SESTD1: variants seen among roughly 807,000 people sequenced by gnomAD.
SESTD1 encodes SEC14 domain and spectrin repeat-containing protein 1.
A neutral mutation model predicts 101.7 loss-of-function variants in SESTD1; 43 were observed. The ratio of observed to expected loss-of-function variants is 0.42; its 90% CI spans 0.33 to 0.55. SESTD1 has a LOEUF of 0.55. Ranked by LOEUF, SESTD1 falls within the 20% of genes least tolerant of loss-of-function variation. The pLI is 0.07. For missense variants in SESTD1, 647 were observed against 815.1 expected, an observed-to-expected ratio of 0.79 and a Z score of 2.51; for synonymous variants, 283 against 286.8, an observed-to-expected ratio of 0.99 and a Z score of 0.13.
At chr2:179,150,838 T>A (rs913336465) in intron 6 of SESTD1, among the ~76,000 whole-genome samples, 5 of 151,790 alleles carry the variant, frequency 3.3e-5, no homozygotes, top group African/African-American at 9.7e-5. Context: ...AAAAAAAAAA[T>A]TATGCTACTG....
rs1245282674 is a variant in SESTD1 at position 179,124,544 on chromosome 2, C to T, written c.987G>A (p.Val329=). ...IESQHSEWFA[V]YVELNQQIAA... ...CAATTTGCTGATTAAGTTCCACATA[C>T]ACTGCAAACCATTCCTGTAATCAAG... Residue 329 remains valine (V), a synonymous_variant, in exon 11 of 18, where the codon GTG becomes GTA. Transcript: ENST00000428443. 2 of 1,613,058 alleles carry T rather than the reference C, an allele frequency of 1.2e-6. No individual in the cohort carries two copies. Among genetic ancestry groups the T allele is most frequent in the East Asian group, 4.5e-5 (2 of 44,844 alleles).
At chr2:179,219,715 A>C (rs1049917232) in intron 1 of SESTD1, among the ~76,000 whole-genome samples, 2 of 152,220 alleles carry the variant, frequency 1.3e-5, no homozygotes, top group African/African-American at 4.8e-5. Context: ...AATTTTATGT[A>C]ATTTGTGTGT....
chr2:179,168,290 A>AT (rs1434613849), intron 5 of SESTD1, among the ~76,000 whole-genome samples: 1 of 152,080 alleles, frequency 6.6e-6, no homozygotes, highest in Non-Finnish European at 1.5e-5. Flanking sequence ...TTTTCTTAAC[A>AT]TTTTTTCTCT....
chr2:179,116,231 A>T (rs1245543716), intron 15 of SESTD1, among the ~76,000 whole-genome samples: 3 of 151,948 alleles, frequency 2.0e-5, no homozygotes. Context: ...CTGAGATTGC[A>T]TCATTGCAGT....
Position 179,143,639 on chromosome 2 carries a change from G to A in SESTD1, c.802C>T (p.Arg268Cys), listed in dbSNP as rs144405691. 23 of 1,613,738 alleles carry A rather than the reference G, an allele frequency of 1.4e-5. No homozygotes were observed. Among genetic ancestry groups the A allele is most frequent in the Non-Finnish European group, 1.8e-5 (21 of 1,179,884 alleles). Residue 268 changes from arginine (R) to cysteine (C), a missense_variant, in exon 9 of 18, where the codon CGT becomes TGT. Arg to Cys is a radical substitution (Grantham distance 180, BLOSUM62 -3). Coordinates refer to ENST00000428443, the MANE Select transcript of SESTD1 (RefSeq NM_178123.5). Reference sequence around the variant, plus strand: ...TCTTCTAACTGTGTGCGCTTGCTACGTTGCCTACAAACTTCCTGGTAGCGG... The same window carrying A: ...TCTTCTAACTGTGTGCGCTTGCTACATTGCCTACAAACTTCCTGGTAGCGG... Reference protein sequence around the residue: ...YTRYQEVCRQRSKRTQLEEIQ... With the variant: ...YTRYQEVCRQCSKRTQLEEIQ...
chr2:179,124,323 G>T (rs751382283), intron 11 of SESTD1, 41 bp downstream of exon 11: 1 of 1,571,564 alleles, frequency 6.4e-7, no homozygotes, highest in Non-Finnish European at 8.7e-7. Flanking sequence ...TAAGTGTTCA[G>T]ATAATTTGAA....
intron 1 of SESTD1, among the ~76,000 whole-genome samples, chr2:179,229,751 ATATATATAT>A (rs1461612109): frequency 2.0e-5 from 2 of 99,086 alleles, no homozygotes; most frequent in African/African-American, 1.6e-4. Flanking sequence ...GTAAGAACTT[ATATATATAT>A]ATATATATAT....
intron 5 of SESTD1, among the ~76,000 whole-genome samples, chr2:179,168,895 C>T (rs2045882245): frequency 6.6e-6 from 1 of 152,016 alleles, no homozygotes; most frequent in African/African-American, 2.4e-5. Flanking sequence ...TTTTAAGGTC[C>T]TTCTATTTCA....
intron 1 of SESTD1, among the ~76,000 whole-genome samples, chr2:179,198,899 G>C (rs1418194590): frequency 6.6e-6 from 1 of 151,766 alleles, no homozygotes; most frequent in Non-Finnish European, 1.5e-5. Flanking sequence ...AAAAGAACTA[G>C]AAAAGCAAGA....
chr2:179,148,092 T>A (rs532842744), intron 7 of SESTD1, among the ~76,000 whole-genome samples: 47 of 152,362 alleles, frequency 3.1e-4, no homozygotes, highest in African/African-American at 1.1e-3. Context: ...ATTCAAACCG[T>A]TTGTTTTCAC....
rs1274406485 is a variant in SESTD1 at position 179,109,024 on chromosome 2, A to T, written c.*875T>A. On this transcript the variant is annotated 3_prime_UTR_variant, in exon 18 of 18. Coordinates refer to ENST00000428443, the MANE Select transcript of SESTD1 (RefSeq NM_178123.5). ...CCTAAAGACAAAGTATCTTCAGGGT[A>T]GTTAATAATTTTGAGAATATTTTTC... 6.6e-6 allele frequency: 1 copy of T among 152,442 alleles called. No individual in the cohort carries two copies. The highest frequency in any genetic ancestry group is 2.4e-5 in the African/African-American group (1 of 41,458). The allele number at this position is 152,442 out of a possible 1,614,324, so 9.4% of individuals were successfully genotyped here.
In SESTD1 at chr2:179,103,952, G is replaced by A. The variant is rs985265397; in HGVS notation, c.*5947C>T. On this transcript the variant is annotated 3_prime_UTR_variant, in exon 18 of 18. Coordinates refer to ENST00000428443, the MANE Select transcript of SESTD1 (RefSeq NM_178123.5). ...AATGCATCAAATAATAATATGAAATGATGAATGGATATGTGACAAAGCAAG... is the reference window on the plus strand; with the variant it reads ...AATGCATCAAATAATAATATGAAATAATGAATGGATATGTGACAAAGCAAG... The A allele has an allele frequency of 2.6e-5, 4 of 152,116 alleles. No homozygotes were observed. The allele number at this position is 152,116 out of a possible 1,614,324, so 9.4% of individuals were successfully genotyped here.
At chr2:179,232,045 G>C (rs1321868581) in intron 1 of SESTD1, among the ~76,000 whole-genome samples, 1 of 151,834 alleles carries the variant, frequency 6.6e-6, no homozygotes, top group Non-Finnish European at 1.5e-5. Flanking sequence ...TACATACCCT[G>C]ATAATAAAAA....
At chr2:179,254,110 T>A (rs967144438) in intron 1 of SESTD1, among the ~76,000 whole-genome samples, 10 of 150,284 alleles carry the variant, frequency 6.7e-5, no homozygotes, top group South Asian at 4.3e-4. Context: ...GAAAAAAAAA[T>A]AAAATAATAA....
rs1002780236 is a variant in SESTD1 at position 179,109,079 on chromosome 2, T to A, written c.*820A>T. 2.6e-5 allele frequency: 4 copies of A among 152,564 alleles called. No individual in the cohort carries two copies. The highest frequency in any genetic ancestry group is 9.6e-5 in the African/African-American group (4 of 41,454). The allele number at this position is 152,564 out of a possible 1,614,324, so 9.5% of individuals were successfully genotyped here. The stretch of plus-strand genomic sequence containing the variant: ...TGAAAAAGAGAAAAATTAGAAATAG[T>A]ATTCCATTATTAATAAGTTCTTAAA... On this transcript the variant is annotated 3_prime_UTR_variant, in exon 18 of 18. Transcript: ENST00000428443.
chr2:179,207,592 T>C lies in SESTD1; in HGVS notation c.-25-15726A>G, dbSNP rs184580433. ...TTGCAGACATTCCCCAGCACCAGCC[T>C]GGAGCCTGGTAACCCCAATGGGTGG... On this transcript the variant is annotated intron_variant, in intron 1 of 17. Transcript: ENST00000428443. Among the ~76,000 whole-genome samples, 15 of 134,926 alleles carry C rather than the reference T, an allele frequency of 1.1e-4. 3 individuals carry two copies. The highest frequency in any genetic ancestry group is 3.5e-4 in the African/African-American group (12 of 34,128). The allele number at this position is 134,926 out of a possible 152,430, so 88.5% of individuals were successfully genotyped here.
chr2:179,154,951 A>AATCAT (rs944668254), intron 5 of SESTD1, among the ~76,000 whole-genome samples: 1 of 152,186 alleles, frequency 6.6e-6, no homozygotes, highest in African/African-American at 2.4e-5. Context: ...ATCAATAATC[A>AATCAT]ATCATATCAG....
rs1413584088 is a variant in SESTD1, at chr2:179,101,981, T to C, written c.*7918A>G. ...AGTCCAAAATCCTTAGTAGCCATTC[T>C]GGAACTGCTATTGTTTATAGCATGA... On this transcript the variant is annotated 3_prime_UTR_variant, in exon 18 of 18. Coordinates refer to ENST00000428443, the MANE Select transcript of SESTD1 (RefSeq NM_178123.5). 6.6e-6 allele frequency: 1 copy of C among 152,206 alleles called. No individual in the cohort carries two copies. Among genetic ancestry groups the C allele is most frequent in the African/African-American group, 2.4e-5 (1 of 41,460 alleles). The allele number at this position is 152,206 out of a possible 1,614,324, so 9.4% of individuals were successfully genotyped here.
chr2:179,263,025 T>C (rs1448838329), intron 1 of SESTD1, among the ~76,000 whole-genome samples: 1 of 152,234 alleles, frequency 6.6e-6, no homozygotes, highest in Non-Finnish European at 1.5e-5. Flanking sequence ...ATTTTTCTAA[T>C]GCTGGGGAAA....
Sources: gnomAD v4.1 joint callset for allele counts (sites outside exome capture counted in the v4.1 genomes callset) on GRCh38, gnomAD v4.1.1 for gene constraint, MANE v1.5 for transcripts, NCBI Gene and HGNC (gene_info 2026-07-23, HGNC 2026-07-21) for gene names.